Variants in EFNA5 observed in about 807,000 individuals in gnomAD.
EFNA5 encodes ephrin A5.
Under a neutral mutation model 22.9 loss-of-function variants are expected in EFNA5, and 5 were observed. The observed-to-expected ratio is 0.22, with a 90% CI of 0.11 to 0.46. The LOEUF (loss-of-function observed/expected upper bound fraction) is 0.46. Among genes scored for constraint, EFNA5 ranks in the 20% least tolerant of loss-of-function variants. The probability of loss-of-function intolerance (pLI) is 0.99; values close to 1 mark genes in which losing one functional copy is unlikely to be tolerated. For synonymous variants in EFNA5, 113 were observed against 112.2 expected, an observed-to-expected ratio of 1.01 and a Z score of -0.04; for missense variants, 237 against 293.3, an observed-to-expected ratio of 0.81 and a Z score of 1.40.
At chr5:107,586,084 A>G (rs1749181424) in intron 1 of EFNA5, among the ~76,000 whole-genome samples, 1 of 152,150 alleles carries the variant, frequency 6.6e-6, no homozygotes, top group South Asian at 2.1e-4. Context: ...CACTGGTCTG[A>G]AAAATATTGT....
In EFNA5 at chr5:107,381,210, C is replaced by A. The variant is rs1364701979; in HGVS notation, c.*45G>T. On this transcript the variant is annotated 3_prime_UTR_variant, in exon 5 of 5. Transcript: ENST00000333274. ...GCAGTTAGGTGGATCTCTGGTGTTC[C>A]AAGACCCTGATGTTTTCTGTGACAA... is the stretch of plus-strand genomic sequence containing the variant. The A allele has an allele frequency of 6.3e-6, 10 of 1,580,392 alleles. No homozygotes were observed. The highest frequency in any genetic ancestry group is 7.8e-6 in the Non-Finnish European group (9 of 1,154,978).
intron 1 of EFNA5, among the ~76,000 whole-genome samples, chr5:107,587,823 C>G (rs665547): frequency 1.3e-5 from 2 of 152,124 alleles, no homozygotes; most frequent in Non-Finnish European, 2.9e-5. Flanking sequence ...GGCCTGCCAC[C>G]TATAGTTTTA....
At chr5:107,580,998 C>T (rs945546692) in intron 1 of EFNA5, among the ~76,000 whole-genome samples, 34 of 152,172 alleles carry the variant, frequency 2.2e-4, no homozygotes, top group African/African-American at 8.0e-4. Context: ...TAAATTTGTG[C>T]TTTGGATGAA....
intron 1 of EFNA5, among the ~76,000 whole-genome samples, chr5:107,433,689 A>G (rs995606457): frequency 5.9e-5 from 9 of 152,154 alleles, no homozygotes; most frequent in Non-Finnish European, 1.0e-4. Context: ...TGAGCCCAGG[A>G]GTTTGAGCCA....
At chr5:107,511,002 TTGTGTGTGTG>T (rs71644591) in intron 1 of EFNA5, among the ~76,000 whole-genome samples, 52 of 140,400 alleles carry the variant, frequency 3.7e-4, no homozygotes, top group South Asian at 2.1e-3. Flanking sequence ...TTCTTTTTCT[TTGTGTGTGTG>T]TGTGTGTGTG....
chr5:107,643,670 T>C (rs1301988811), intron 1 of EFNA5, among the ~76,000 whole-genome samples: 5 of 148,062 alleles, frequency 3.4e-5, no homozygotes, highest in African/African-American at 1.3e-4. Flanking sequence ...TGAAGTAAGC[T>C]TGACGAGAGG....
intron 1 of EFNA5, among the ~76,000 whole-genome samples, chr5:107,473,411 T>C (rs1750196840): frequency 6.6e-6 from 1 of 152,128 alleles, no homozygotes; most frequent in Non-Finnish European, 1.5e-5. Context: ...CCACTTATTC[T>C]ACTTTTCATA....
At position 107,533,215 on chromosome 5, in the gene EFNA5, C is replaced by T. The variant is rs537656859; in HGVS notation, c.126-105706G>A. ...GGCTCCACTTAGCGATCTCATTTGTCATCCTATTGTCTCTCACCTTCACTG... is the reference window on the plus strand; with the variant it reads ...GGCTCCACTTAGCGATCTCATTTGTTATCCTATTGTCTCTCACCTTCACTG... On this transcript the variant is annotated intron_variant, in intron 1 of 4. Transcript: ENST00000333274. 1.9e-3 allele frequency among the ~76,000 whole-genome samples: 283 copies of T among 152,284 alleles called. 1 individual carries two copies. The highest frequency in any genetic ancestry group is 3.0e-3 in the Non-Finnish European group (203 of 68,018).
intron 1 of EFNA5, among the ~76,000 whole-genome samples, chr5:107,456,745 G>C (rs1384445372): frequency 6.6e-6 from 1 of 152,108 alleles, no homozygotes; most frequent in East Asian, 1.9e-4. Flanking sequence ...CTCACCTCCT[G>C]TCCAGATGAG....
chr5:107,489,660 A>AC (rs4011600), intron 1 of EFNA5, among the ~76,000 whole-genome samples: 34,557 of 143,120 alleles, frequency 0.24, 4,234 homozygotes, highest in South Asian at 0.46. Flanking sequence ...GACCCCACCT[A>AC]CCCCCCCCAC....
intron 1 of EFNA5, among the ~76,000 whole-genome samples, chr5:107,553,923 C>T (rs964930466): frequency 1.3e-5 from 2 of 152,198 alleles, no homozygotes; most frequent in African/African-American, 4.8e-5. Context: ...CACCTAGTAA[C>T]TTCTTCCACA....
intron 1 of EFNA5, among the ~76,000 whole-genome samples, chr5:107,487,363 A>C (rs1388361804): frequency 6.6e-6 from 1 of 152,222 alleles, no homozygotes; most frequent in African/African-American, 2.4e-5. Context: ...AACTTTGTTT[A>C]ATCCCCTTCC....
intron 2 of EFNA5, among the ~76,000 whole-genome samples, chr5:107,394,771 A>G (rs1747877141): frequency 6.6e-6 from 1 of 152,152 alleles, no homozygotes; most frequent in South Asian, 2.1e-4. Flanking sequence ...CCTCAAGTAA[A>G]TGGCTGAGGA....
intron 4 of EFNA5, among the ~76,000 whole-genome samples, chr5:107,382,019 C>G (rs1747479383): frequency 6.6e-6 from 1 of 152,200 alleles, no homozygotes. Flanking sequence ...ATTACAAACC[C>G]TGTATTTCTA....
chr5:107,482,870 CTATATA>C (rs72399506), intron 1 of EFNA5, among the ~76,000 whole-genome samples: 190 of 59,084 alleles, frequency 3.2e-3, no homozygotes, highest in Middle Eastern at 9.3e-3. Flanking sequence ...CTCTCTCTCT[CTATATA>C]TATATATATA....
intron 1 of EFNA5, among the ~76,000 whole-genome samples, chr5:107,515,892 A>G (rs988817776): frequency 5.3e-5 from 8 of 152,216 alleles, no homozygotes; most frequent in African/African-American, 1.9e-4. Flanking sequence ...CAGTTTAAAA[A>G]TGAACAGGGT....
chr5:107,634,877 A>G (rs1750338904), intron 1 of EFNA5, among the ~76,000 whole-genome samples: 1 of 152,184 alleles, frequency 6.6e-6, no homozygotes, highest in Admixed American at 6.5e-5. Context: ...AAGGAATAAA[A>G]CTAGATACCA....
At chr5:107,501,329 T>C (rs1747129409) in intron 1 of EFNA5, among the ~76,000 whole-genome samples, 1 of 152,226 alleles carries the variant, frequency 6.6e-6, no homozygotes. Context: ...ATCAATAAGA[T>C]ACAGTCTTTA....
intron 1 of EFNA5, among the ~76,000 whole-genome samples, chr5:107,433,606 C>A (rs148402659): frequency 6.6e-6 from 1 of 152,176 alleles, no homozygotes; most frequent in East Asian, 1.9e-4. Context: ...CTGTTAATAT[C>A]TCTCCCTTGC....
Sources: gnomAD v4.1 joint callset for allele counts (sites outside exome capture counted in the v4.1 genomes callset) on GRCh38, gnomAD v4.1.1 for gene constraint, MANE v1.5 for transcripts, NCBI Gene and HGNC (gene_info 2026-07-23, HGNC 2026-07-21) for gene names.